XPO1: variants seen among roughly 807,000 people sequenced by gnomAD.
XPO1 encodes exportin-1.
A neutral mutation model predicts 133.3 loss-of-function variants in XPO1; 5 were observed. The observed-to-expected ratio is 0.04, with a 90% confidence interval of 0.02 to 0.08. The LOEUF (loss-of-function observed/expected upper bound fraction) is 0.08, where lower values mean the gene tolerates loss of function less well. XPO1 is among the 10% of genes least tolerant of loss of function. The pLI is 1.00. For missense variants in XPO1, 506 were observed against 1,267.5 expected (o/e 0.40, Z 9.12); for synonymous variants, 419 against 408.2 (o/e 1.03, Z -0.32).
intron 4 of XPO1, among the ~76,000 whole-genome samples, chr2:61,515,146 GA>G (rs1240326640): frequency 1.3e-5 from 2 of 151,464 alleles, no homozygotes; most frequent in African/African-American, 2.4e-5. Context: ...CACATGTGAA[GA>G]GGGGCAGTGA....
chr2:61,517,220 G>A (rs530627914), intron 4 of XPO1, among the ~76,000 whole-genome samples: 1 of 152,208 alleles, frequency 6.6e-6, no homozygotes, highest in East Asian at 1.9e-4. Flanking sequence ...TTTTTAAAAA[G>A]GGATGGGGAA....
In XPO1 at chr2:61,498,677, T is replaced by A. The variant is rs1697359534; in HGVS notation, c.755A>T (p.Tyr252Phe). The change falls in exon 9 of 25, where the codon TAT becomes TTT. Residue 252 changes from tyrosine (Y) to phenylalanine (F), a missense_variant. This residue lies in a region of XPO1 where 134 missense variants were observed against 261.6 expected (regional missense o/e 0.51). Coordinates refer to ENST00000401558, the MANE Select transcript of XPO1 (RefSeq NM_003400.4). ...FETKLISTLI[Y>F]KFLNVPMFRN... ...ACTGAAATGTATTCACTGTACCTTA[T>A]AAATCAATGTGCTGATTAATTTGGT... 1 of 1,613,698 alleles carries A rather than the reference T, an allele frequency of 6.2e-7. No homozygotes were observed. Among genetic ancestry groups the A allele is most frequent in the Non-Finnish European group, 8.5e-7 (1 of 1,179,902 alleles).
At chr2:61,513,830 C>T (rs914610763) in intron 4 of XPO1, among the ~76,000 whole-genome samples, 1 of 152,116 alleles carries the variant, frequency 6.6e-6, no homozygotes, top group African/African-American at 2.4e-5. Flanking sequence ...TAACAAAATA[C>T]TCCTGACTAG....
chr2:61,489,252 AAAAATAC>A (rs1436557754), intron 17 of XPO1, among the ~76,000 whole-genome samples: 1 of 151,896 alleles, frequency 6.6e-6, no homozygotes, highest in Non-Finnish European at 1.5e-5. Flanking sequence ...TGTCTCTACT[AAAAATAC>A]AAAATTAGCC....
intron 6 of XPO1, among the ~76,000 whole-genome samples, chr2:61,501,459 C>T (rs1197313142): frequency 6.6e-6 from 1 of 152,070 alleles, no homozygotes; most frequent in Non-Finnish European, 1.5e-5. Context: ...CAGCGGCTCA[C>T]ACCTATAATC....
At chr2:61,517,057 C>T (rs1357048231) in intron 4 of XPO1, among the ~76,000 whole-genome samples, 2 of 152,112 alleles carry the variant, frequency 1.3e-5, no homozygotes, top group East Asian at 3.9e-4. Context: ...GCATCTGCCA[C>T]CACACTCAGC....
At chr2:61,528,111 G>A (rs901091279) in intron 2 of XPO1, among the ~76,000 whole-genome samples, 2 of 151,848 alleles carry the variant, frequency 1.3e-5, no homozygotes, top group East Asian at 2.0e-4. Context: ...ATTTTCAGTA[G>A]AGACAGGGTT....
chr2:61,522,078 G>GT (rs1354290724), intron 4 of XPO1, among the ~76,000 whole-genome samples: 2 of 150,712 alleles, frequency 1.3e-5, no homozygotes, highest in African/African-American at 2.4e-5. Context: ...TTATATATAT[G>GT]TTTTTTTGGA....
intron 2 of XPO1, among the ~76,000 whole-genome samples, chr2:61,532,407 G>A (rs968981126): frequency 3.9e-5 from 6 of 151,958 alleles, no homozygotes; most frequent in Non-Finnish European, 5.9e-5. Flanking sequence ...GATTACAGGC[G>A]TGAGCCACCG....
intron 4 of XPO1, among the ~76,000 whole-genome samples, chr2:61,505,834 A>G (rs978943991): frequency 5.9e-5 from 9 of 152,038 alleles, no homozygotes; most frequent in African/African-American, 1.5e-4. Context: ...CTGGGATTAC[A>G]TGAGCCACCG....
Position 61,478,555 on chromosome 2 carries a change from C to A in XPO1, c.*265G>T. 2.6e-6 allele frequency: 1 copy of A among 382,942 alleles called. No homozygotes were observed. Among genetic ancestry groups the A allele is most frequent in the South Asian group, 6.4e-5 (1 of 15,558 alleles). The allele number at this position is 382,942 out of a possible 1,614,324, so 23.7% of individuals were successfully genotyped here. ...AATTTGCCTCCTCCCCCCAGCCCAG[C>A]CACAAAAATGGGCATGAAGTAAAAT... On this transcript the variant is annotated 3_prime_UTR_variant, in exon 25 of 25. Transcript: ENST00000401558.
intron 17 of XPO1, 83 bp from the exon 18 acceptor site, chr2:61,488,854 C>A: frequency 6.7e-7 from 1 of 1,483,306 alleles, no homozygotes; most frequent in Non-Finnish European, 9.2e-7. Context: ...GTAATCCCAG[C>A]ACTCTGAGAG....
intron 16 of XPO1, 113 bp downstream of exon 16, chr2:61,491,922 A>T: frequency 7.6e-7 from 1 of 1,307,736 alleles, no homozygotes; most frequent in Non-Finnish European, 1.0e-6. Flanking sequence ...AAGAAAATTT[A>T]ATCAGAAACA....
chr2:61,483,846 T>G, intron 21 of XPO1, 91 bp downstream of exon 21: 3 of 1,439,964 alleles, frequency 2.1e-6, no homozygotes, highest in Non-Finnish European at 2.9e-6. Context: ...CACTCAAAAC[T>G]CTGAACAAGT....
chr2:61,505,513 T>G (rs1451031254), intron 4 of XPO1, among the ~76,000 whole-genome samples: 1 of 151,660 alleles, frequency 6.6e-6, no homozygotes, highest in Non-Finnish European at 1.5e-5. Context: ...TGCCTCAGCC[T>G]CCTGAGTACC....
rs747167248 is a variant in XPO1 at position 61,492,287 on chromosome 2, AAAAAT to A, written c.1723+33_1723+37del. ...AAAACATTCATTTATTTTCTTCAAT[AAAAAT>A]AAAAGCAAAATATAGTAAAGAAAGA... is the stretch of plus-strand genomic sequence containing the variant. On this transcript the variant is annotated intron_variant, in intron 15 of 24. Coordinates refer to ENST00000401558, the MANE Select transcript of XPO1 (RefSeq NM_003400.4). This position sits in a 1 kb window ranked among gnomAD's most constrained non-coding sequence, Gnocchi z 5.6. The A allele has an allele frequency of 3.2e-6, 5 of 1,581,602 alleles. No individual in the cohort carries two copies. The African/African-American group carries it at 6.9e-5, about 22-fold the overall frequency.
At chr2:61,483,283 TA>T (rs1006105558) in intron 21 of XPO1, 192 bp from the exon 22 acceptor site, 3 of 531,676 alleles carry the variant, frequency 5.6e-6, no homozygotes, top group African/African-American at 3.9e-5. Context: ...GGCTTACTTA[TA>T]AATTATAATA....
chr2:61,495,946 G>A (rs935035437), intron 10 of XPO1, among the ~76,000 whole-genome samples: 1 of 151,988 alleles, frequency 6.6e-6, no homozygotes, highest in East Asian at 1.9e-4. Context: ...TGGGATTAAA[G>A]GTCTGAGCTA....
chr2:61,499,696 A>G lies in XPO1; in HGVS notation c.590+17T>C. The G allele has an allele frequency of 2.6e-6, 4 of 1,557,470 alleles. No homozygotes were observed. In the Admixed American group the frequency reaches 8.9e-5, roughly 35 times the overall value. On this transcript the variant is annotated intron_variant, in intron 7 of 24. Coordinates refer to ENST00000401558, the MANE Select transcript of XPO1 (RefSeq NM_003400.4). ...TGAGAAATCACTTTAAAATTCTAAA[A>G]CATAATTATTACTTGCCTGTCTTTT...
Sources: gnomAD v4.1 joint callset for allele counts (sites outside exome capture counted in the v4.1 genomes callset) on GRCh38, gnomAD v4.1.1 for gene constraint, gnomAD v4.1.1 regional missense constraint, Gnocchi (gnomAD v3.1) non-coding constraint, MANE v1.5 for transcripts, NCBI Gene and HGNC (gene_info 2026-07-23, HGNC 2026-07-21) for gene names.